MCC: variants seen among roughly 807,000 people sequenced by gnomAD.
MCC encodes the protein MCC regulator of Wnt signaling pathway, also known as colorectal mutant cancer protein.
A neutral mutation model predicts 116.2 loss-of-function variants in MCC; 90 were observed. That is an observed-to-expected ratio of 0.77 (90% confidence interval 0.65 to 0.92). The LOEUF (loss-of-function observed/expected upper bound fraction) is 0.92. Among genes scored for constraint, MCC ranks in the 40% least tolerant of loss-of-function variants. The pLI, the probability that MCC is intolerant of heterozygous loss-of-function variation, is 0.00. For missense variants in MCC, 1,516 were observed against 1,312.2 expected, an observed-to-expected ratio of 1.16 and a Z score of -2.40; for synonymous variants, 578 against 510.5, an observed-to-expected ratio of 1.13 and a Z score of -1.78.
chr5:113,028,906 T>A (rs201414175), intron 18 of MCC, 28 bp downstream of exon 18: 2 of 1,606,970 alleles, frequency 1.2e-6, no homozygotes, highest in Non-Finnish European at 1.7e-6. Context: ...TGGAGGGCGG[T>A]GGGGGCTGGG....
At chr5:113,091,076 C>T (rs552413568) in intron 8 of MCC, among the ~76,000 whole-genome samples, 5 of 152,288 alleles carry the variant, frequency 3.3e-5, no homozygotes, top group Non-Finnish European at 7.4e-5. Context: ...CCTCTCTGCT[C>T]GACCCATAGG....
At chr5:113,384,811 A>C (rs1769209924) in intron 2 of MCC, among the ~76,000 whole-genome samples, 157 bp downstream of exon 2, 1 of 152,184 alleles carries the variant, frequency 6.6e-6, no homozygotes, top group African/African-American at 2.4e-5. Flanking sequence ...GAACTGGGGG[A>C]AACAGTGAGC....
intron 8 of MCC, chr5:113,101,366 T>A: frequency 5.5e-6 from 1 of 181,536 alleles, no homozygotes; most frequent in Non-Finnish European, 1.1e-5. Context: ...TAGAAAAAAA[T>A]TAAAAAGGTA....
At chr5:113,373,783 A>C (rs1245321662) in intron 2 of MCC, among the ~76,000 whole-genome samples, 1 of 152,286 alleles carries the variant, frequency 6.6e-6, no homozygotes, top group East Asian at 1.9e-4. Context: ...TCATAATTTT[A>C]AAACAAGATT....
chr5:113,390,692 CA>C (rs1769378927), intron 1 of MCC, among the ~76,000 whole-genome samples: 1 of 152,124 alleles, frequency 6.6e-6, no homozygotes, highest in Non-Finnish European at 1.5e-5. Flanking sequence ...CTCTCAGGCT[CA>C]GGGGCAGAGA....
At position 113,044,949 on chromosome 5, in the gene MCC, C is replaced by T. The variant is rs142530886; in HGVS notation, c.2656-1319G>A. The stretch of plus-strand genomic sequence containing the variant: ...TGCTGCAAGTCCAGGCATGTGGTCT[C>T]CCGAGGCAGTTCCTTGGCAGTGGCA... On this transcript the variant is annotated intron_variant, in intron 16 of 18. Transcript: ENST00000408903. Among the ~76,000 whole-genome samples the T allele has an allele frequency of 4.8e-3, 737 of 152,312 alleles. 2 individuals carry two copies. The highest frequency in any genetic ancestry group is 0.024 in the Middle Eastern group (7 of 294).
At chr5:113,053,102 A>T (rs941929269) in intron 15 of MCC, among the ~76,000 whole-genome samples, 8 of 152,120 alleles carry the variant, frequency 5.3e-5, no homozygotes, top group African/African-American at 1.7e-4. Context: ...CGGTTTAACT[A>T]CTTCCCAGTA....
At chr5:113,149,196 C>A (rs2150290045) in intron 4 of MCC, among the ~76,000 whole-genome samples, 1 of 151,586 alleles carries the variant, frequency 6.6e-6, no homozygotes, top group East Asian at 1.9e-4. Flanking sequence ...TAGTCACCAC[C>A]ATTTTGTTGT....
At chr5:113,195,856 G>A (rs1187777839) in intron 3 of MCC, among the ~76,000 whole-genome samples, 3 of 152,024 alleles carry the variant, frequency 2.0e-5, no homozygotes, top group Non-Finnish European at 2.9e-5. Context: ...CTCATCTGGC[G>A]CCTCCTCTCT....
At chr5:113,209,593 G>T (rs985602586) in intron 3 of MCC, among the ~76,000 whole-genome samples, 7 of 152,116 alleles carry the variant, frequency 4.6e-5, no homozygotes, top group African/African-American at 1.4e-4. Flanking sequence ...TTTCTTCTGG[G>T]AAAATATTTT....
At chr5:113,243,942 A>T (rs1764478498) in intron 3 of MCC, among the ~76,000 whole-genome samples, 1 of 152,232 alleles carries the variant, frequency 6.6e-6, no homozygotes, top group Non-Finnish European at 1.5e-5. Context: ...CTTGAGCCAG[A>T]TTCAAATTTT....
intron 13 of MCC, among the ~76,000 whole-genome samples, chr5:113,065,047 G>T (rs1753496643): frequency 1.3e-5 from 2 of 152,132 alleles, no homozygotes; most frequent in African/African-American, 4.8e-5. Flanking sequence ...GGGGTTGGGG[G>T]AGGAATGAAT....
At chr5:113,166,268 T>G (rs146541944) in intron 3 of MCC, among the ~76,000 whole-genome samples, 1 of 152,122 alleles carries the variant, frequency 6.6e-6, no homozygotes, top group East Asian at 1.9e-4. Flanking sequence ...CAAAAGAAAA[T>G]CTAAGTCTGG....
At chr5:113,271,408 A>G (rs976547148) in intron 3 of MCC, among the ~76,000 whole-genome samples, 46 of 152,362 alleles carry the variant, frequency 3.0e-4, no homozygotes, top group African/African-American at 1.1e-3. Context: ...CAAGAGGCCT[A>G]CTTATAATGA....
chr5:113,421,420 A>C (rs368944999), intron 1 of MCC, among the ~76,000 whole-genome samples: 1 of 152,206 alleles, frequency 6.6e-6, no homozygotes, highest in East Asian at 1.9e-4. Flanking sequence ...CTCAGAGAAA[A>C]TAAAACTCTT....
chr5:113,339,436 T>TGTGTGTGTGTGC (rs1554077379), intron 3 of MCC, among the ~76,000 whole-genome samples: 1,593 of 127,600 alleles, frequency 0.012, 29 homozygotes, highest in African/African-American at 0.046. Context: ...TGTGTGTGTG[T>TGTGTGTGTGTGC]GTGCGTGCAT....
At chr5:113,138,486 C>A (rs1758978453) in intron 5 of MCC, among the ~76,000 whole-genome samples, 1 of 152,284 alleles carries the variant, frequency 6.6e-6, no homozygotes, top group East Asian at 1.9e-4. Context: ...TCTCTTCCCT[C>A]CATGTGAGGA....
chr5:113,150,098 T>G (rs1759758050), intron 4 of MCC, among the ~76,000 whole-genome samples: 1 of 152,110 alleles, frequency 6.6e-6, no homozygotes, highest in South Asian at 2.1e-4. Flanking sequence ...GAGAAACTGC[T>G]GGGAGTGGAA....
At position 113,101,801 on chromosome 5, in the gene MCC, G is replaced by T. The variant is rs1265884465; in HGVS notation, c.1336C>A (p.Leu446Met). The T allele has an allele frequency of 1.2e-6, 2 of 1,613,338 alleles. No homozygotes were observed. Among genetic ancestry groups the T allele is most frequent in the African/African-American group, 2.7e-5 (2 of 74,904 alleles). The change falls in exon 8 of 19, where the codon CTG (leucine) becomes ATG (methionine). Residue 446 changes from leucine (L) to methionine (M), a missense_variant. Transcript: ENST00000408903. The stretch of plus-strand genomic sequence containing the variant: ...TTCATGGTGGCCTTAGTCCGGTTCA[G>T]TTCTTCCTCTTTGCTGCACAGCATG... Reference protein sequence around the residue: ...TAMLCSKEEELNRTKATMNAI... With the variant: ...TAMLCSKEEEMNRTKATMNAI...
Sources: gnomAD v4.1 joint callset for allele counts (sites outside exome capture counted in the v4.1 genomes callset) on GRCh38, gnomAD v4.1.1 for gene constraint, MANE v1.5 for transcripts, NCBI Gene and HGNC (gene_info 2026-07-23, HGNC 2026-07-21) for gene names.